The following NAV1 variants were observed in gnomAD, a reference collection of about 807,000 sequenced individuals.
NAV1 encodes the protein pore membrane and/or filament interacting like protein 3.
In NAV1, 18 loss-of-function variants were observed where a neutral mutation model predicts 175.2. The observed-to-expected ratio is 0.10, with a 90% CI of 0.07 to 0.15. The LOEUF is 0.15. Ranked by LOEUF, NAV1 falls within the 10% of genes least tolerant of loss-of-function variation. NAV1 has a pLI of 1.00. For synonymous variants in NAV1, 897 were observed against 978.7 expected (o/e 0.92, Z 1.56); for missense variants, 1,731 against 2,436.6 (o/e 0.71, Z 6.10).
At chr1:201,767,458 AT>A (rs201782218) in intron 3 of NAV1, among the ~76,000 whole-genome samples, 10,524 of 151,600 alleles carry the variant, frequency 0.069, 731 homozygotes, top group East Asian at 0.24. Flanking sequence ...CTCAAAAAAA[AT>A]AAAAATAAAA....
chr1:201,539,288 C>A lies in NAV1; in HGVS notation c.-198C>A, dbSNP rs1665431545. ...CGCACCCGCGCTGCCCTTGGGGATG[C>A]GCGACTCTGCGCGGCTGCGGCGCGG... On this transcript the variant is annotated 5_prime_UTR_variant, in exon 1 of 34. Transcript: ENST00000685211. The surrounding 1 kb of genome is among the most constrained non-coding windows in gnomAD (Gnocchi z 5.6). Among the ~76,000 whole-genome samples, 1 of 151,932 alleles carries A rather than the reference C, an allele frequency of 6.6e-6. No homozygotes were observed. Among genetic ancestry groups the A allele is most frequent in the African/African-American group, 2.4e-5 (1 of 41,430 alleles).
chr1:201,539,608 C>G lies in NAV1; in HGVS notation c.-144+266C>G, dbSNP rs931845731. ...GCGTTTGATTCTAGAGTTGACTCTCCGGGGGGGCTGCCTAACTTCAGTCCC... is the reference window on the plus strand; with the variant it reads ...GCGTTTGATTCTAGAGTTGACTCTCGGGGGGGGCTGCCTAACTTCAGTCCC... On this transcript the variant is annotated intron_variant, in intron 1 of 33. Transcript: ENST00000685211. The surrounding 1 kb of genome is among the most constrained non-coding windows in gnomAD (Gnocchi z 5.6). Among the ~76,000 whole-genome samples, 1 of 152,016 alleles carries G rather than the reference C, an allele frequency of 6.6e-6. No individual in the cohort carries two copies. Among genetic ancestry groups the G allele is most frequent in the South Asian group, 2.1e-4 (1 of 4,816 alleles).
At chr1:201,757,684 G>A (rs1207820710) in intron 3 of NAV1, among the ~76,000 whole-genome samples, 1 of 152,158 alleles carries the variant, frequency 6.6e-6, no homozygotes, top group Non-Finnish European at 1.5e-5. Context: ...CATTAACCTG[G>A]GAAACTATTC....
At chr1:201,786,501 C>T (rs769764718) in exon 9 of NAV1, 9 of 1,613,868 alleles carry the variant, frequency 5.6e-6, no homozygotes, top group Non-Finnish European at 7.6e-6. Flanking sequence ...TGCCTGAATC[C>T]GATGACCAGT....
In NAV1 at chr1:201,807,053, T is replaced by C. The variant is rs1678335979; in HGVS notation, c.3649-900T>C. Among the ~76,000 whole-genome samples the C allele has an allele frequency of 6.6e-6, 1 of 151,984 alleles. No homozygotes were observed. Among genetic ancestry groups the C allele is most frequent in the African/African-American group, 2.4e-5 (1 of 41,374 alleles). On this transcript the variant is annotated intron_variant, in intron 17 of 29. Transcript: ENST00000367296. The surrounding 1 kb of genome is among the most constrained non-coding windows in gnomAD (Gnocchi z 5.4). ...GTGTCCCTGTGTGTGTGTGTGTATG[T>C]GTGTGTGTGGTGTGTGGTGTGTGCA... is the stretch of plus-strand genomic sequence containing the variant.
At chr1:201,715,719 G>A (rs1305492585) in intron 2 of NAV1, among the ~76,000 whole-genome samples, 2 of 152,236 alleles carry the variant, frequency 1.3e-5, no homozygotes, top group African/African-American at 4.8e-5. Context: ...ATGGTCCAGT[G>A]TGTGCTTCCT....
At chr1:201,689,004 G>C (rs11581130) in intron 1 of NAV1, among the ~76,000 whole-genome samples, 4 of 152,194 alleles carry the variant, frequency 2.6e-5, no homozygotes, top group Non-Finnish European at 5.9e-5. Flanking sequence ...TTGAGTGCAA[G>C]CTTTGTGATC....
At chr1:201,648,349 T>G in exon 1 of NAV1, 1 of 1,166,644 alleles carries the variant, frequency 8.6e-7, no homozygotes, top group East Asian at 3.9e-5. Context: ...ATCCTTCCTT[T>G]GACTGATTTT....
At chr1:201,604,630 C>T (rs145701484) in intron 2 of NAV1, among the ~76,000 whole-genome samples, 1,502 of 146,798 alleles carry the variant, frequency 0.01, 29 homozygotes, top group African/African-American at 0.036. Flanking sequence ...TGCAGTGAGC[C>T]GAGATCGTGC....
chr1:201,624,129 A>C (rs1013243661), intron 1 of NAV1, among the ~76,000 whole-genome samples: 1 of 152,052 alleles, frequency 6.6e-6, no homozygotes, highest in East Asian at 1.9e-4. Context: ...TGCTCACTCC[A>C]TTTGCTATAG....
At chr1:201,675,232 A>G (rs1670201245) in intron 1 of NAV1, among the ~76,000 whole-genome samples, 2 of 151,944 alleles carry the variant, frequency 1.3e-5, no homozygotes, top group Admixed American at 1.3e-4. Context: ...CATGTCCTCC[A>G]TTTCCTTGGT....
At chr1:201,577,947 C>T (rs1239163008) in intron 1 of NAV1, among the ~76,000 whole-genome samples, 2 of 152,130 alleles carry the variant, frequency 1.3e-5, no homozygotes, top group Admixed American at 6.5e-5. Flanking sequence ...GTCTTTAACT[C>T]GCAGATGCTT....
intron 1 of NAV1, among the ~76,000 whole-genome samples, chr1:201,562,108 G>GGA (rs1666218047): frequency 6.6e-6 from 1 of 151,790 alleles, no homozygotes; most frequent in Non-Finnish European, 1.5e-5. Flanking sequence ...GGGCTCAGGC[G>GGA]GTTCTCCCAC....
At chr1:201,568,459 T>C (rs1666429830) in intron 1 of NAV1, among the ~76,000 whole-genome samples, 1 of 152,156 alleles carries the variant, frequency 6.6e-6, no homozygotes. Context: ...CTCTGAGTTT[T>C]GGGTGGTGGT....
At position 201,819,939 on chromosome 1, in the gene NAV1, G is replaced by A. The variant is rs778699879; in HGVS notation, c.*7G>A. 1.2e-5 allele frequency: 19 copies of A among 1,613,608 alleles called. 1 individual carries two copies. The highest frequency in any genetic ancestry group is 7.7e-5 in the South Asian group (7 of 91,070). ...CCTTCAGGCAACACTTTAAGGGTTC[G>A]GCAATCACTGTCACCCCCGGACAGC... On this transcript the variant is annotated 3_prime_UTR_variant, in exon 30 of 30. Coordinates refer to ENST00000367296, the Ensembl canonical transcript of NAV1.
At chr1:201,580,793 G>C (rs564940312) in intron 1 of NAV1, among the ~76,000 whole-genome samples, 1 of 152,184 alleles carries the variant, frequency 6.6e-6, no homozygotes, top group East Asian at 1.9e-4. Flanking sequence ...AAAAGAATAT[G>C]AGATATTCTG....
At position 201,718,762 on chromosome 1, in the gene NAV1, G is replaced by GC; in HGVS notation, c.1226+8dup. The GC allele has an allele frequency of 3.1e-6, 5 of 1,591,332 alleles. No homozygotes were observed. The highest frequency in any genetic ancestry group is 4.3e-6 in the Non-Finnish European group (5 of 1,162,904). On this transcript the variant is annotated splice_region_variant and intron_variant, in intron 3 of 29. Transcript: ENST00000367296. The surrounding 1 kb of genome is among the most constrained non-coding windows in gnomAD (Gnocchi z 4.8). ...ATGATGACATCACTACCGGGTAAGC[G>GC]CAGGGGCTTCTTGGATGGCGGGGGA...
rs1222572899 is a variant in NAV1 at position 201,780,708 on chromosome 1, A to G, written c.1365+149A>G. ...GCCAGGTCATTTTAGAGTTGCCCCC[A>G]CCCCCTCCCAAAAAAAGCTAAGGCT... On this transcript the variant is annotated intron_variant, in intron 4 of 29. Coordinates refer to ENST00000367296, the Ensembl canonical transcript of NAV1. 6.0e-6 allele frequency: 6 copies of G among 999,350 alleles called. 1 individual carries two copies. In the South Asian group the frequency reaches 1.0e-4, roughly 17 times the overall value. 61.9% of individuals were successfully genotyped at this position (999,350 alleles called of 1,614,324 possible).
intron 3 of NAV1, among the ~76,000 whole-genome samples, chr1:201,771,218 G>T (rs1049339661): frequency 7.8e-6 from 1 of 128,030 alleles, no homozygotes; most frequent in Admixed American, 8.6e-5. Context: ...CAGCCTGGGC[G>T]ACAGAGCGAG....
Sources: allele counts gnomAD v4.1 joint callset (sites outside exome capture counted in the v4.1 genomes callset), GRCh38; gene constraint gnomAD v4.1.1; non-coding constraint Gnocchi (gnomAD v3.1); transcripts MANE v1.5; gene names NCBI Gene and HGNC (gene_info 2026-07-23, HGNC 2026-07-21).